SERGEF: variants seen among roughly 807,000 people sequenced by gnomAD.
The protein encoded by SERGEF is secretion regulating guanine nucleotide exchange factor, also known as secretion-regulating guanine nucleotide exchange factor.
Under a neutral mutation model 50.0 loss-of-function variants are expected in SERGEF, and 51 were observed. That is an observed-to-expected ratio of 1.02 (90% CI 0.81 to 1.29). The LOEUF (loss-of-function observed/expected upper bound fraction) is 1.29, where lower values mean the gene tolerates loss of function less well. SERGEF is among the 50% of genes most tolerant of loss of function. The pLI, the probability that SERGEF is intolerant of heterozygous loss-of-function variation, is 0.00. For synonymous variants in SERGEF, 205 were observed against 212.4 expected, an observed-to-expected ratio of 0.97 and a Z score of 0.30; for missense variants, 521 against 557.0, an observed-to-expected ratio of 0.94 and a Z score of 0.65.
intron 9 of SERGEF, chr11:17,918,807 G>T: frequency 7.4e-6 from 3 of 403,904 alleles, no homozygotes; most frequent in South Asian, 5.6e-5. Flanking sequence ...TATGGATTAG[G>T]CAAAAAGCAC....
At chr11:17,800,010 C>T (rs897278329) in intron 10 of SERGEF, among the ~76,000 whole-genome samples, 3 of 151,994 alleles carry the variant, frequency 2.0e-5, no homozygotes, top group Non-Finnish European at 4.4e-5. Flanking sequence ...GATCAAACCC[C>T]GAAGGGAAGA....
intron 9 of SERGEF, among the ~76,000 whole-genome samples, chr11:17,925,101 C>T (rs1852226278): frequency 6.6e-6 from 1 of 152,068 alleles, no homozygotes; most frequent in African/African-American, 2.4e-5. Flanking sequence ...AACCCAAGGT[C>T]CTCCTTGTAC....
intron 10 of SERGEF, among the ~76,000 whole-genome samples, chr11:17,869,172 T>G (rs1348904593): frequency 6.6e-6 from 1 of 152,158 alleles, no homozygotes; most frequent in Non-Finnish European, 1.5e-5. Flanking sequence ...GAGAGAAGGA[T>G]TCCCTGACTC....
rs1225460990 is a variant in SERGEF at position 17,959,571 on chromosome 11, A to G, written c.910T>C (p.Tyr304His). The change falls in exon 9 of 11, where the codon TAT (tyrosine) becomes CAT (histidine). Residue 304 changes from tyrosine to histidine, a missense_variant. Physicochemically the swap from Tyr to His is moderately conservative, Grantham distance 83. Coordinates refer to ENST00000265965, the MANE Select transcript of SERGEF (RefSeq NM_012139.4). ...YGQLGRKLETYEGWKLEKQDS... is the reference protein window; with the variant it reads ...YGQLGRKLETHEGWKLEKQDS... ...TGCTTTTCTAGTTTCCAGCCTTCAT[A>G]AGTCTCCAACTTCCTCCCTAGCTGA... The G allele has an allele frequency of 6.2e-7, 1 of 1,614,178 alleles. No homozygotes were observed.
intron 9 of SERGEF, among the ~76,000 whole-genome samples, chr11:17,923,942 G>C (rs574142493): frequency 2.2e-4 from 34 of 152,140 alleles, no homozygotes; most frequent in Non-Finnish European, 4.0e-4. Context: ...CATAGTGCGT[G>C]GTACAATTCC....
intron 9 of SERGEF, among the ~76,000 whole-genome samples, chr11:17,919,147 T>C (rs754825019): frequency 6.6e-6 from 1 of 152,206 alleles, no homozygotes; most frequent in African/African-American, 2.4e-5. Flanking sequence ...GTCTGCTTCC[T>C]CCATTAGACT....
chr11:17,927,560 C>A (rs2133944762), intron 9 of SERGEF, among the ~76,000 whole-genome samples: 1 of 152,320 alleles, frequency 6.6e-6, no homozygotes. Context: ...CACTAATTTG[C>A]TGTGTGACCT....
intron 10 of SERGEF, among the ~76,000 whole-genome samples, chr11:17,810,391 T>A (rs1316170666): frequency 6.6e-6 from 1 of 152,188 alleles, no homozygotes; most frequent in Non-Finnish European, 1.5e-5. Context: ...TAGCCTAGCC[T>A]TCAAGGCTCA....
At position 18,004,970 on chromosome 11, in the gene SERGEF, C is replaced by T. The variant is rs138991362; in HGVS notation, c.353-435G>A. On this transcript the variant is annotated intron_variant, in intron 3 of 10. Transcript: ENST00000265965. ...ATGGGACAGGACATGTGTGGCTTGGCACCTCCCTCTCAGTCATTCTAGGCT... is the reference window on the plus strand; with the variant it reads ...ATGGGACAGGACATGTGTGGCTTGGTACCTCCCTCTCAGTCATTCTAGGCT... Among the ~76,000 whole-genome samples the T allele has an allele frequency of 4.7e-3, 720 of 152,292 alleles. 8 individuals are homozygous for T. The highest frequency in any genetic ancestry group is 0.016 in the African/African-American group (668 of 41,558).
intron 10 of SERGEF, among the ~76,000 whole-genome samples, chr11:17,837,599 A>G (rs1249463355): frequency 6.6e-6 from 1 of 150,380 alleles, no homozygotes; most frequent in Non-Finnish European, 1.5e-5. Flanking sequence ...TAAACCAAGC[A>G]GAAGCCGGCG....
rs369315757 is a variant in SERGEF, at chr11:17,910,384, G to T, written c.1012-32140C>A. On this transcript the variant is annotated intron_variant, in intron 9 of 10. Coordinates refer to ENST00000265965, the MANE Select transcript of SERGEF (RefSeq NM_012139.4). ...CTGCCTCAACCTCCCGAGTAGTTAG[G>T]ACTACAGGCATGTGCCACCACGCCC... Among the ~76,000 whole-genome samples the T allele has an allele frequency of 2.5e-3, 374 of 152,118 alleles. 1 individual carries two copies. The highest frequency in any genetic ancestry group is 0.01 in the Middle Eastern group (3 of 294).
chr11:17,857,762 A>G (rs536406846), intron 10 of SERGEF, among the ~76,000 whole-genome samples: 2 of 152,342 alleles, frequency 1.3e-5, no homozygotes, highest in South Asian at 2.1e-4. Flanking sequence ...TCTCAGGGCC[A>G]CTGTGGGACC....
In SERGEF at chr11:17,815,318, G is replaced by T. The variant is rs565956687; in HGVS notation, c.1049-26905C>A. ...TTCATCACTTTTAAAAACTGACCTGGCCGGGCATGGTGGCTCACGCCTGTA... is the reference window on the plus strand; with the variant it reads ...TTCATCACTTTTAAAAACTGACCTGTCCGGGCATGGTGGCTCACGCCTGTA... On this transcript the variant is annotated intron_variant, in intron 10 of 10. Transcript: ENST00000265965. 2.0e-5 allele frequency among the ~76,000 whole-genome samples: 3 copies of T among 152,094 alleles called. No homozygotes were observed. The South Asian group carries it at 6.2e-4, about 32-fold the overall frequency.
intron 10 of SERGEF, among the ~76,000 whole-genome samples, chr11:17,869,256 A>G (rs986263393): frequency 2.6e-5 from 4 of 152,262 alleles, no homozygotes; most frequent in Non-Finnish European, 5.9e-5. Context: ...ATGACAAAAT[A>G]TTACAGACAA....
chr11:17,931,484 T>A (rs1852351492), intron 9 of SERGEF, among the ~76,000 whole-genome samples: 1 of 152,116 alleles, frequency 6.6e-6, no homozygotes, highest in South Asian at 2.1e-4. Context: ...ATACCCAACA[T>A]TCACTAAATG....
intron 9 of SERGEF, among the ~76,000 whole-genome samples, chr11:17,927,705 T>C (rs139222159): frequency 1.3e-5 from 2 of 152,364 alleles, no homozygotes; most frequent in Admixed American, 6.5e-5. Flanking sequence ...GAACACAGAA[T>C]TGAAATCATC....
chr11:17,853,815 C>T (rs1434231927), intron 10 of SERGEF: 2 of 152,072 alleles, frequency 1.3e-5, no homozygotes, highest in Non-Finnish European at 2.9e-5. Context: ...CATGGCAAAA[C>T]CTGTCCCTAC....
At chr11:17,832,357 C>T (rs529963205) in intron 10 of SERGEF, among the ~76,000 whole-genome samples, 6 of 152,308 alleles carry the variant, frequency 3.9e-5, no homozygotes, top group South Asian at 2.1e-4. Flanking sequence ...GTGAGTTGCT[C>T]ATCCTTGCCT....
intron 9 of SERGEF, among the ~76,000 whole-genome samples, chr11:17,896,812 G>A (rs1293688030): frequency 1.6e-5 from 2 of 126,176 alleles, no homozygotes; most frequent in Admixed American, 1.6e-4. Flanking sequence ...GGTAAGGGAA[G>A]GGTAAGGGAA....
Sources: gnomAD v4.1 joint callset for allele counts (sites outside exome capture counted in the v4.1 genomes callset) on GRCh38, gnomAD v4.1.1 for gene constraint, MANE v1.5 for transcripts, NCBI Gene and HGNC (gene_info 2026-07-23, HGNC 2026-07-21) for gene names.